Variants in PDS5A observed in about 807,000 individuals in gnomAD.
The protein encoded by PDS5A is sister chromatid cohesion protein PDS5 homolog A.
Under a neutral mutation model 167.1 loss-of-function variants are expected in PDS5A, and 42 were observed. That is an observed-to-expected ratio of 0.25 (90% CI 0.20 to 0.33). The LOEUF (loss-of-function observed/expected upper bound fraction) is 0.33. Among genes scored for constraint, PDS5A ranks in the 10% least tolerant of loss-of-function variants. The pLI is 1.00. For missense variants in PDS5A, 1,033 were observed against 1,605.9 expected (o/e 0.64, Z 6.10); for synonymous variants, 553 against 554.6 (o/e 1.00, Z 0.04).
At chr4:39,886,464 A>C (rs1721484222) in intron 17 of PDS5A, among the ~76,000 whole-genome samples, 1 of 152,172 alleles carries the variant, frequency 6.6e-6, no homozygotes, top group African/African-American at 2.4e-5. Flanking sequence ...CTGTAATTCC[A>C]GCACTTTGGG....
At chr4:39,833,936 G>A (rs568960444) in intron 32 of PDS5A, among the ~76,000 whole-genome samples, 2 of 152,208 alleles carry the variant, frequency 1.3e-5, no homozygotes, top group Admixed American at 1.3e-4. Context: ...CTGTAGACAA[G>A]AGCAGAGCTT....
At chr4:39,875,669 G>C (rs1306897409) in intron 19 of PDS5A, among the ~76,000 whole-genome samples, 1 of 152,052 alleles carries the variant, frequency 6.6e-6, no homozygotes, top group African/African-American at 2.4e-5. Context: ...TATGGACTTT[G>C]GAATTATGAG....
At chr4:39,925,984 A>G in intron 4 of PDS5A, 51 bp from the exon 5 acceptor site, 3 of 539,130 alleles carry the variant, frequency 5.6e-6, no homozygotes, top group Middle Eastern at 1.1e-3. Context: ...CAGAATAGTT[A>G]TATAATAAAA....
chr4:39,869,103 A>G (rs908078778), intron 22 of PDS5A, among the ~76,000 whole-genome samples: 1 of 152,226 alleles, frequency 6.6e-6, no homozygotes, highest in Non-Finnish European at 1.5e-5. Context: ...TGTCTTCAAT[A>G]AACCATTTTT....
chr4:39,925,998 T>C (rs1435523891), intron 4 of PDS5A, 65 bp from the exon 5 acceptor site: 4 of 471,298 alleles, frequency 8.5e-6, no homozygotes, highest in Non-Finnish European at 1.4e-5. Flanking sequence ...AATAAAAAAC[T>C]CAGTAAAAAA....
At chr4:39,845,719 G>A (rs1199573130) in intron 29 of PDS5A, 99 bp downstream of exon 29, 3 of 1,201,652 alleles carry the variant, frequency 2.5e-6, no homozygotes, top group Non-Finnish European at 3.2e-6. Context: ...TAAGAATCAG[G>A]AACTATACAA....
At chr4:39,971,514 G>C (rs1429754850) in intron 2 of PDS5A, among the ~76,000 whole-genome samples, 1 of 151,990 alleles carries the variant, frequency 6.6e-6, no homozygotes, top group Non-Finnish European at 1.5e-5. Context: ...CCAGGCTATA[G>C]TGCAGTGGCA....
Position 39,930,246 on chromosome 4 carries a change from A to AGTTTT in PDS5A, c.139-2087_139-2083dup, listed in dbSNP as rs1366027014. Among the ~76,000 whole-genome samples, 8 of 93,160 alleles carry AGTTTT rather than the reference A, an allele frequency of 8.6e-5. 1 individual carries two copies. The East Asian group carries it at 2.5e-3, about 29-fold the overall frequency. The allele number at this position is 93,160 out of a possible 152,430, so 61.1% of individuals were successfully genotyped here. On this transcript the variant is annotated intron_variant, in intron 2 of 32. Transcript: ENST00000303538. ...AAAAAAAAAAAAAAAAAAAAAAAAA[A>AGTTTT]GTTTTTTTGTTTTTTGTTTTTTTTT...
At position 39,917,091 on chromosome 4, in the gene PDS5A, T is replaced by C. The variant is rs1724463208; in HGVS notation, c.833A>G (p.His278Arg). Residue 278 changes from histidine to arginine, a missense_variant, in exon 8 of 33, where the codon CAT (histidine) becomes CGT (arginine). His to Arg is a conservative substitution (Grantham distance 29). This residue lies in a region of PDS5A where 388 missense variants were observed against 615.1 expected (regional missense o/e 0.63). Transcript: ENST00000303538. ...LIQELFAIDPHLLLSVMPQLE... is the reference protein window; with the variant it reads ...LIQELFAIDPRLLLSVMPQLE... The stretch of plus-strand genomic sequence containing the variant: ...CTGTGGCATGACGGATAATAATAAA[T>C]GAGGATCTATAGCAAAAAGTTCCTG... The C allele has an allele frequency of 5.8e-6, 9 of 1,553,210 alleles. No homozygotes were observed. The highest frequency in any genetic ancestry group is 7.8e-6 in the Non-Finnish European group (9 of 1,151,942).
Position 39,915,117 on chromosome 4 carries a change from C to T in PDS5A, c.877-1391G>A, listed in dbSNP as rs374530194. Among the ~76,000 whole-genome samples, 16 of 151,542 alleles carry T rather than the reference C, an allele frequency of 1.1e-4. No homozygotes were observed. The East Asian group carries it at 2.5e-3, about 24-fold the overall frequency. On this transcript the variant is annotated intron_variant, in intron 8 of 32. Coordinates refer to ENST00000303538, the MANE Select transcript of PDS5A (RefSeq NM_001100399.2). ...GCAATGGCAGGATCATGGCTCACTG[C>T]AGCCTTGAACTCCTGGGCTCAAGTG...
chr4:39,889,244 G>A (rs1312290277), intron 17 of PDS5A, among the ~76,000 whole-genome samples: 1 of 152,224 alleles, frequency 6.6e-6, no homozygotes, highest in Non-Finnish European at 1.5e-5. Flanking sequence ...CAGTGAGAAG[G>A]AAGCCATCTG....
At chr4:39,899,343 C>T (rs12505380) in intron 14 of PDS5A, among the ~76,000 whole-genome samples, 1 of 151,950 alleles carries the variant, frequency 6.6e-6, no homozygotes, top group South Asian at 2.1e-4. Context: ...TATTAGTTTT[C>T]ATTTATACTA....
chr4:39,957,842 A>T (rs1729105566), intron 2 of PDS5A, among the ~76,000 whole-genome samples: 1 of 151,152 alleles, frequency 6.6e-6, no homozygotes, highest in African/African-American at 2.4e-5. Context: ...ATGCTATGTG[A>T]TCTGGACATG....
chr4:39,896,213 T>C (rs140632077), intron 16 of PDS5A, among the ~76,000 whole-genome samples: 6 of 151,884 alleles, frequency 4.0e-5, no homozygotes, highest in African/African-American at 1.4e-4. Flanking sequence ...CAGCTAGTTT[T>C]CTTTAATGTT....
intron 6 of PDS5A, among the ~76,000 whole-genome samples, chr4:39,921,919 G>C (rs989861045): frequency 6.6e-6 from 1 of 152,188 alleles, no homozygotes; most frequent in African/African-American, 2.4e-5. Context: ...AACTCGAGAA[G>C]AATTTAAAAT....
chr4:39,942,221 C>T (rs1223122458), intron 2 of PDS5A, among the ~76,000 whole-genome samples: 1 of 152,116 alleles, frequency 6.6e-6, no homozygotes, highest in African/African-American at 2.4e-5. Context: ...AATTATAAAA[C>T]ATTATGTAAT....
In PDS5A at chr4:39,946,220, AAAG is replaced by A. The variant is rs1477940677; in HGVS notation, c.139-18059_139-18057del. Among the ~76,000 whole-genome samples, 7 of 150,828 alleles carry A rather than the reference AAAG, an allele frequency of 4.6e-5. No individual in the cohort carries two copies. The South Asian group carries it at 1.3e-3, about 27-fold the overall frequency. ...AGACTTCATCTCAATAAAAAAAAAA[AAAG>A]AAAGAAAAAAAAAGGAAAGGAAAAG... is the stretch of plus-strand genomic sequence containing the variant. On this transcript the variant is annotated intron_variant, in intron 2 of 32. Coordinates refer to ENST00000303538, the MANE Select transcript of PDS5A (RefSeq NM_001100399.2).
intron 6 of PDS5A, 105 bp downstream of exon 6, chr4:39,922,517 G>C: frequency 1.0e-6 from 1 of 1,003,084 alleles, no homozygotes; most frequent in East Asian, 3.0e-5. Context: ...GAACGGTCAT[G>C]AGAACAATTA....
At chr4:39,917,669 G>C (rs956589898) in intron 7 of PDS5A, among the ~76,000 whole-genome samples, 3 of 151,974 alleles carry the variant, frequency 2.0e-5, no homozygotes, top group African/African-American at 7.2e-5. Flanking sequence ...CCACCTCCGA[G>C]GTTCAAGCAA....
Sources: allele counts gnomAD v4.1 joint callset (sites outside exome capture counted in the v4.1 genomes callset), GRCh38; gene constraint gnomAD v4.1.1; regional missense constraint gnomAD v4.1.1; transcripts MANE v1.5; gene names NCBI Gene and HGNC (gene_info 2026-07-23, HGNC 2026-07-21).